The following PTPRD variants were observed in gnomAD, a reference collection of about 807,000 sequenced individuals.
The protein encoded by PTPRD is protein tyrosine phosphatase receptor type D, also known as receptor-type tyrosine-protein phosphatase delta.
In PTPRD, 34 loss-of-function variants were observed where a neutral mutation model predicts 214.5. The observed-to-expected ratio is 0.16, with a 90% CI of 0.12 to 0.21. The LOEUF (loss-of-function observed/expected upper bound fraction) is 0.21. Among genes scored for constraint, PTPRD ranks in the 10% least tolerant of loss-of-function variants. The pLI, the probability that PTPRD is intolerant of heterozygous loss-of-function variation, is 1.00. For missense variants in PTPRD, 2,545 were observed against 2,398.7 expected (o/e 1.06, Z -1.27); for synonymous variants, 1,128 against 845.7 (o/e 1.33, Z -5.79).
At chr9:9,699,198 A>T (rs1188575080) in intron 7 of PTPRD, among the ~76,000 whole-genome samples, 1 of 151,966 alleles carries the variant, frequency 6.6e-6, no homozygotes, top group Non-Finnish European at 1.5e-5. Context: ...CATTTCAGTC[A>T]AGCTGTTTCT....
At chr9:10,041,707 T>C (rs146932004) in intron 3 of PTPRD, among the ~76,000 whole-genome samples, 238 of 152,174 alleles carry the variant, frequency 1.6e-3, no homozygotes, top group African/African-American at 5.3e-3. Flanking sequence ...ACTGAAATTA[T>C]AATTTTCTTT....
intron 44 of PTPRD, among the ~76,000 whole-genome samples, chr9:8,324,639 T>C (rs1007995749): frequency 6.6e-6 from 1 of 152,178 alleles, no homozygotes; most frequent in African/African-American, 2.4e-5. Context: ...CTGGGTCAAA[T>C]GGTATTTCTG....
chr9:9,916,016 T>C (rs778785946), intron 5 of PTPRD, among the ~76,000 whole-genome samples: 167 of 151,386 alleles, frequency 1.1e-3, no homozygotes, highest in Non-Finnish European at 2.2e-3. Flanking sequence ...ATTAACAGCA[T>C]AGTTTTCAGC....
chr9:9,513,515 G>T (rs899551069), intron 8 of PTPRD, among the ~76,000 whole-genome samples: 1 of 151,228 alleles, frequency 6.6e-6, no homozygotes, highest in Non-Finnish European at 1.5e-5. Flanking sequence ...TTTTCTTAAA[G>T]ATCCAAAAAT....
At chr9:8,676,038 T>C (rs1387367322) in intron 12 of PTPRD, among the ~76,000 whole-genome samples, 2 of 152,240 alleles carry the variant, frequency 1.3e-5, no homozygotes, top group African/African-American at 2.4e-5. Context: ...TGACCAATAG[T>C]GAGTGCCTTT....
At position 9,709,663 on chromosome 9, in the gene PTPRD, A is replaced by G. The variant is rs578024285; in HGVS notation, c.-287+24870T>C. ...AAAAGAGAAAGATAGTATTTGGGTG[A>G]TGGAGCAGATCATTTCTGTTTATCA... On this transcript the variant is annotated intron_variant, in intron 7 of 45. Transcript: ENST00000381196. Among the ~76,000 whole-genome samples, 3 of 152,164 alleles carry G rather than the reference A, an allele frequency of 2.0e-5. No homozygotes were observed. In the East Asian group the frequency reaches 5.8e-4, roughly 29 times the overall value.
chr9:10,414,798 G>A (rs1311027414), intron 2 of PTPRD, among the ~76,000 whole-genome samples: 1 of 151,852 alleles, frequency 6.6e-6, no homozygotes, highest in Non-Finnish European at 1.5e-5. Context: ...AAACATGGAT[G>A]GAACGGAATG....
chr9:9,915,128 T>C (rs1034445353), intron 5 of PTPRD, among the ~76,000 whole-genome samples: 2 of 152,080 alleles, frequency 1.3e-5, no homozygotes, highest in Non-Finnish European at 2.9e-5. Flanking sequence ...TTAGCATGGG[T>C]TAGAGCTGTA....
chr9:8,979,455 TG>T (rs1174967811), intron 11 of PTPRD, among the ~76,000 whole-genome samples: 4 of 152,030 alleles, frequency 2.6e-5, no homozygotes, highest in Admixed American at 1.3e-4. Flanking sequence ...TGGTAACCTA[TG>T]AAGTGGAAAA....
chr9:8,518,699 G>A (rs967816110), intron 20 of PTPRD, among the ~76,000 whole-genome samples: 22 of 152,214 alleles, frequency 1.4e-4, no homozygotes, highest in South Asian at 1.2e-3. Flanking sequence ...GATCCTGCAC[G>A]CATTTCTTAA....
chr9:9,891,027 C>G (rs2073125962), intron 5 of PTPRD, among the ~76,000 whole-genome samples: 1 of 152,078 alleles, frequency 6.6e-6, no homozygotes, highest in African/African-American at 2.4e-5. Context: ...TTTTTCCCGT[C>G]TATAAAAACC....
intron 2 of PTPRD, among the ~76,000 whole-genome samples, chr9:10,457,460 G>A (rs936302334): frequency 2.0e-5 from 3 of 151,924 alleles, no homozygotes; most frequent in South Asian, 2.1e-4. Flanking sequence ...TTCTTTCAGT[G>A]TCTTCACGTG....
intron 11 of PTPRD, among the ~76,000 whole-genome samples, chr9:8,821,084 T>G (rs2097051011): frequency 6.6e-6 from 1 of 152,152 alleles, no homozygotes; most frequent in Non-Finnish European, 1.5e-5. Flanking sequence ...TGAAAAAAGG[T>G]ATGATCAGCC....
chr9:8,776,831 CAT>C (rs1039492345), intron 11 of PTPRD, among the ~76,000 whole-genome samples: 35 of 143,154 alleles, frequency 2.4e-4, no homozygotes, highest in African/African-American at 7.0e-4. Context: ...AAATATATAA[CAT>C]AATACATAGG....
intron 8 of PTPRD, among the ~76,000 whole-genome samples, chr9:9,468,012 T>C (rs2094335123): frequency 6.6e-6 from 1 of 152,210 alleles, no homozygotes; most frequent in Non-Finnish European, 1.5e-5. Context: ...TGAATAGTGA[T>C]TTAGGAACTT....
chr9:9,701,547 C>A (rs909389011), intron 7 of PTPRD, among the ~76,000 whole-genome samples: 1 of 152,112 alleles, frequency 6.6e-6, no homozygotes, highest in African/African-American at 2.4e-5. Context: ...TTTGGGAAGG[C>A]ATTGATGACC....
intron 14 of PTPRD, among the ~76,000 whole-genome samples, chr9:8,633,110 C>T (rs191881368): frequency 4.9e-4 from 74 of 152,016 alleles, no homozygotes; most frequent in African/African-American, 1.7e-3. Context: ...AGCTTTTTTA[C>T]CTCTGATATT....
intron 2 of PTPRD, among the ~76,000 whole-genome samples, chr9:10,593,825 C>CATAAGAAAAAA (rs2076052881): frequency 6.6e-6 from 1 of 151,884 alleles, no homozygotes; most frequent in Non-Finnish European, 1.5e-5. Flanking sequence ...AAAAAAATGT[C>CATAAGAAAAAA]TTTTTTTCTT....
At chr9:9,415,873 G>A (rs1050080162) in intron 8 of PTPRD, among the ~76,000 whole-genome samples, 3 of 152,132 alleles carry the variant, frequency 2.0e-5, no homozygotes, top group African/African-American at 7.2e-5. Flanking sequence ...CGGGTAGGAC[G>A]GGGTAGCAAG....
Sources: allele counts gnomAD v4.1 joint callset (sites outside exome capture counted in the v4.1 genomes callset), GRCh38; gene constraint gnomAD v4.1.1; transcripts MANE v1.5; gene names NCBI Gene and HGNC (gene_info 2026-07-23, HGNC 2026-07-21).